The following EPSTI1 variants were observed in gnomAD, a reference collection of about 807,000 sequenced individuals.
EPSTI1 encodes the protein epithelial stromal interaction 1, also known as epithelial-stromal interaction protein 1.
A neutral mutation model predicts 49.9 loss-of-function variants in EPSTI1; 66 were observed. That is an observed-to-expected ratio of 1.32 (90% confidence interval 1.08 to 1.62). The LOEUF is 1.62. Among genes scored for constraint, EPSTI1 ranks in the 40% most tolerant of loss-of-function variants. The pLI, the probability that EPSTI1 is intolerant of heterozygous loss-of-function variation, is 0.00. For missense variants in EPSTI1, 394 were observed against 365.5 expected (o/e 1.08, Z -0.64); for synonymous variants, 137 against 130.7 (o/e 1.05, Z -0.33).
At chr13:42,982,846 A>C (rs894794578) in intron 1 of EPSTI1, among the ~76,000 whole-genome samples, 1 of 152,188 alleles carries the variant, frequency 6.6e-6, no homozygotes, top group African/African-American at 2.4e-5. Flanking sequence ...CTCATTTCAG[A>C]GGGATCCTCC....
At chr13:42,911,230 AGG>A in intron 8 of EPSTI1, among the ~76,000 whole-genome samples, 2 of 143,070 alleles carry the variant, frequency 1.4e-5, no homozygotes, top group South Asian at 2.6e-4. Flanking sequence ...AGAGAGAGGG[AGG>A]GAGAGAGAGA....
Position 42,922,633 on chromosome 13 carries a change from A to G in EPSTI1, c.657+3703T>C, listed in dbSNP as rs2038044251. ...CTATTAGGTCACTACATTCGTGGTA[A>G]TTTGTTACAGCAGCAAAGGGAAGTG... On this transcript the variant is annotated intron_variant, in intron 7 of 10. Coordinates refer to ENST00000313624, the MANE Select transcript of EPSTI1 (RefSeq NM_033255.5). The surrounding 1 kb of genome is among the most constrained non-coding windows in gnomAD (Gnocchi z 4.8). 6.6e-6 allele frequency among the ~76,000 whole-genome samples: 1 copy of G among 152,194 alleles called. No individual in the cohort carries two copies. The highest frequency in any genetic ancestry group is 1.5e-5 in the Non-Finnish European group (1 of 68,022).
intron 9 of EPSTI1, among the ~76,000 whole-genome samples, chr13:42,898,436 T>C (rs183823930): frequency 1.8e-4 from 27 of 152,312 alleles, no homozygotes; most frequent in African/African-American, 6.3e-4. Context: ...TTTTCAAAAA[T>C]TGATGAAGAG....
intron 7 of EPSTI1, among the ~76,000 whole-genome samples, chr13:42,923,246 T>C (rs751813310): frequency 5.3e-5 from 8 of 152,162 alleles, no homozygotes; most frequent in Non-Finnish European, 1.0e-4. Context: ...TTTTTTCACA[T>C]CGTTATTCTT....
chr13:42,943,967 A>G (rs1296084736), intron 6 of EPSTI1, among the ~76,000 whole-genome samples: 4 of 152,226 alleles, frequency 2.6e-5, no homozygotes, highest in African/African-American at 9.6e-5. Flanking sequence ...AATCACAATG[A>G]GATACCATCT....
At chr13:42,974,582 C>T (rs1594755115) in intron 1 of EPSTI1, among the ~76,000 whole-genome samples, 6 of 151,400 alleles carry the variant, frequency 4.0e-5, no homozygotes, top group Admixed American at 1.3e-4. Context: ...TGGCGTGAAC[C>T]AGGGAGGCGG....
chr13:42,956,098 G>T (rs558768582), intron 5 of EPSTI1, among the ~76,000 whole-genome samples: 16 of 152,310 alleles, frequency 1.1e-4, no homozygotes, highest in Admixed American at 3.3e-4. Flanking sequence ...TTAGGGGACA[G>T]CAGTTTGCAA....
intron 6 of EPSTI1, among the ~76,000 whole-genome samples, chr13:42,952,548 T>G (rs2039132757): frequency 1.3e-5 from 2 of 152,220 alleles, no homozygotes; most frequent in African/African-American, 4.8e-5. Context: ...CATATCTCTC[T>G]GCAAGACAGA....
Position 42,970,684 on chromosome 13 carries a change from A to G in EPSTI1, c.189-14T>C, listed in dbSNP as rs1320922911. 2 of 769,470 alleles carry G rather than the reference A, an allele frequency of 2.6e-6. No homozygotes were observed. Among genetic ancestry groups the G allele is most frequent in the Non-Finnish European group, 1.7e-6 (1 of 582,092 alleles). 47.7% of individuals were successfully genotyped at this position (769,470 alleles called of 1,614,324 possible). A position where few individuals can be genotyped will look rare whatever the true frequency, so the allele number is the denominator to read the frequency against. On this transcript the variant is annotated splice_polypyrimidine_tract_variant and intron_variant, in intron 1 of 10. Transcript: ENST00000313624. ...TATGCACTTGTGCTAAAAGGAAGAGAAAAAAAAATGCTTATTACCATGAGA... is the reference window on the plus strand; with the variant it reads ...TATGCACTTGTGCTAAAAGGAAGAGGAAAAAAAATGCTTATTACCATGAGA...
At chr13:42,910,389 G>T (rs1346967801) in intron 8 of EPSTI1, among the ~76,000 whole-genome samples, 2 of 151,142 alleles carry the variant, frequency 1.3e-5, no homozygotes, top group Non-Finnish European at 1.5e-5. Flanking sequence ...AGCCTCCCGA[G>T]TAACTAGAAT....
chr13:42,894,675 G>A (rs1369156495), intron 10 of EPSTI1, among the ~76,000 whole-genome samples: 2 of 138,690 alleles, frequency 1.4e-5, no homozygotes, highest in African/African-American at 2.7e-5. Context: ...CCATATTTCT[G>A]AAAAAAAAAA....
intron 6 of EPSTI1, among the ~76,000 whole-genome samples, chr13:42,949,486 G>A (rs541514783): frequency 2.6e-5 from 4 of 151,840 alleles, no homozygotes; most frequent in Admixed American, 6.6e-5. Context: ...AGCTACTGGG[G>A]AGGCTGAGGC....
chr13:42,894,429 C>A (rs941574813), intron 10 of EPSTI1, among the ~76,000 whole-genome samples: 3 of 152,180 alleles, frequency 2.0e-5, no homozygotes, highest in Non-Finnish European at 2.9e-5. Context: ...TGTTCCAAAG[C>A]TTTGGTGCTC....
intron 1 of EPSTI1, among the ~76,000 whole-genome samples, chr13:42,976,149 C>T (rs2039877517): frequency 6.6e-6 from 1 of 152,216 alleles, no homozygotes; most frequent in African/African-American, 2.4e-5. Context: ...GACTTTATTA[C>T]TGATGGCACA....
intron 10 of EPSTI1, chr13:42,889,192 A>T (rs760411510): frequency 6.4e-7 from 1 of 1,562,622 alleles, no homozygotes; most frequent in Non-Finnish European, 8.7e-7. Flanking sequence ...ATTTAAAGGG[A>T]TGTTTTTAAG....
chr13:42,908,670 A>C (rs2037572311), intron 8 of EPSTI1, among the ~76,000 whole-genome samples: 1 of 152,116 alleles, frequency 6.6e-6, no homozygotes, highest in Non-Finnish European at 1.5e-5. Context: ...CTAAAGAGAC[A>C]ATCTACAGAA....
In EPSTI1 at chr13:42,926,349, T is replaced by C. The variant is rs201797397; in HGVS notation, c.644A>G (p.Gln215Arg). ...TAATTCACTTACCCATGTTGAGGAT[T>C]GTGGGCCACAAACAGCACTTTGACA... ...SACQSAVCGP[Q>R]SSTWARSWAY... The change falls in exon 7 of 11, where the codon CAA (glutamine) becomes CGA (arginine). Residue 215 changes from glutamine (Q) to arginine (R), a missense_variant. By Grantham distance (43) the Gln-to-Arg change is conservative. Coordinates refer to ENST00000313624, the MANE Select transcript of EPSTI1 (RefSeq NM_033255.5). 3.7e-5 allele frequency: 59 copies of C among 1,606,406 alleles called. No homozygotes were observed. In the East Asian group the frequency reaches 1.3e-3, roughly 35 times the overall value.
At chr13:42,890,358 C>T (rs1205251403) in intron 10 of EPSTI1, among the ~76,000 whole-genome samples, 1 of 140,668 alleles carries the variant, frequency 7.1e-6, no homozygotes, top group African/African-American at 2.7e-5. Context: ...ACTGTGGTGG[C>T]GCAATCCCTG....
chr13:42,981,559 G>A (rs561161000), intron 1 of EPSTI1, among the ~76,000 whole-genome samples: 2 of 152,196 alleles, frequency 1.3e-5, no homozygotes, highest in African/African-American at 2.4e-5. Context: ...GTACCATACT[G>A]AGGAATGGAA....
Sources: gnomAD v4.1 joint callset for allele counts (sites outside exome capture counted in the v4.1 genomes callset) on GRCh38, gnomAD v4.1.1 for gene constraint, Gnocchi (gnomAD v3.1) non-coding constraint, MANE v1.5 for transcripts, NCBI Gene and HGNC (gene_info 2026-07-23, HGNC 2026-07-21) for gene names.